The following SNTG2 variants were observed in gnomAD, a reference collection of about 807,000 sequenced individuals.
SNTG2 encodes the protein gamma-2-syntrophin.
SNTG2 carries 74 observed loss-of-function variants against 70.9 expected under a neutral mutation model. The ratio of observed to expected loss-of-function variants is 1.04; its 90% confidence interval spans 0.86 to 1.27. The LOEUF (loss-of-function observed/expected upper bound fraction) is 1.27, where lower values mean the gene tolerates loss of function less well. Among genes scored for constraint, SNTG2 ranks in the 50% most tolerant of loss-of-function variants. The pLI, the probability that SNTG2 is intolerant of heterozygous loss-of-function variation, is 0.00. For synonymous variants in SNTG2, 278 were observed against 273.8 expected, an observed-to-expected ratio of 1.02 and a Z score of -0.15; for missense variants, 717 against 690.7, an observed-to-expected ratio of 1.04 and a Z score of -0.43.
At chr2:1,000,503 CA>C (rs1661829982) in intron 1 of SNTG2, among the ~76,000 whole-genome samples, 1 of 151,734 alleles carries the variant, frequency 6.6e-6, no homozygotes, top group African/African-American at 2.4e-5. Flanking sequence ...TTTCTGTTCA[CA>C]CAGACTAGAA....
At chr2:993,740 G>A (rs1661581940) in intron 1 of SNTG2, among the ~76,000 whole-genome samples, 1 of 151,848 alleles carries the variant, frequency 6.6e-6, no homozygotes. Context: ...AGTGTGAGCT[G>A]GTGGCTTTGA....
At chr2:1,050,824 T>C (rs184725477) in intron 1 of SNTG2, among the ~76,000 whole-genome samples, 3 of 152,320 alleles carry the variant, frequency 2.0e-5, no homozygotes, top group Admixed American at 2.0e-4. Flanking sequence ...CTGTAATTCA[T>C]TTAGGTCTTC....
chr2:1,101,467 C>A, intron 4 of SNTG2, among the ~76,000 whole-genome samples: 1 of 152,282 alleles, frequency 6.6e-6, no homozygotes, highest in East Asian at 1.9e-4. Context: ...TTTTAGGGAT[C>A]AGAAGCTTGG....
intron 8 of SNTG2, 56 bp from the exon 9 acceptor site, chr2:1,209,047 C>A (rs768813804): frequency 1.3e-4 from 211 of 1,597,110 alleles, no homozygotes; most frequent in Middle Eastern, 2.0e-4. Context: ...GATGCCTCTC[C>A]CCGCATGCAG....
chr2:1,216,568 C>T (rs1246463021), intron 9 of SNTG2, among the ~76,000 whole-genome samples: 1 of 152,086 alleles, frequency 6.6e-6, no homozygotes, highest in Non-Finnish European at 1.5e-5. Context: ...AATTAGATCC[C>T]ATTAGTTTAA....
chr2:1,334,030 C>T (rs959285135), intron 16 of SNTG2, among the ~76,000 whole-genome samples: 26 of 152,144 alleles, frequency 1.7e-4, no homozygotes, highest in Admixed American at 5.2e-4. Context: ...ATAAAATCTT[C>T]GCAATCTATA....
At chr2:1,288,799 T>G (rs1352621042) in intron 14 of SNTG2, among the ~76,000 whole-genome samples, 2 of 152,114 alleles carry the variant, frequency 1.3e-5, no homozygotes, top group African/African-American at 4.8e-5. Flanking sequence ...CAGGCATGTA[T>G]TCACACATGC....
At chr2:1,250,815 A>T (rs1367283670) in intron 12 of SNTG2, among the ~76,000 whole-genome samples, 3 of 152,104 alleles carry the variant, frequency 2.0e-5, no homozygotes, top group Admixed American at 2.0e-4. Flanking sequence ...AGTCCCTCAG[A>T]GACAGTTTCA....
chr2:1,110,962 G>A (rs1666402261), intron 4 of SNTG2, among the ~76,000 whole-genome samples: 1 of 152,158 alleles, frequency 6.6e-6, no homozygotes, highest in South Asian at 2.1e-4. Flanking sequence ...GGTGGATGTG[G>A]AATTCAATTT....
intron 1 of SNTG2, among the ~76,000 whole-genome samples, chr2:990,251 A>C (rs1250391316): frequency 6.6e-6 from 1 of 152,210 alleles, no homozygotes; most frequent in Non-Finnish European, 1.5e-5. Context: ...GCCGCCTCAG[A>C]GAGGCCTTGC....
intron 1 of SNTG2, among the ~76,000 whole-genome samples, chr2:962,703 T>C (rs1191883540): frequency 1.3e-5 from 2 of 152,228 alleles, no homozygotes; most frequent in Non-Finnish European, 2.9e-5. Context: ...TATGTTTTAT[T>C]CAACCTCATG....
intron 1 of SNTG2, among the ~76,000 whole-genome samples, chr2:1,019,028 C>T (rs888600635): frequency 7.2e-5 from 11 of 152,204 alleles, no homozygotes; most frequent in Non-Finnish European, 1.3e-4. Flanking sequence ...GACAGCGCTG[C>T]ATGTTTTACT....
chr2:1,009,041 A>G lies in SNTG2; in HGVS notation c.72+57973A>G, dbSNP rs966338513. Among the ~76,000 whole-genome samples the G allele has an allele frequency of 9.6e-5, 12 of 124,864 alleles. No individual in the cohort carries two copies. The Admixed American group carries it at 9.9e-4, about 10-fold the overall frequency. 81.9% of individuals were successfully genotyped at this position (124,864 alleles called of 152,430 possible). ...AAATGCACCTTTTTTTAGAGCACCT[A>G]GGAAAATATTTTCTAGAGAAACTCC... On this transcript the variant is annotated intron_variant, in intron 1 of 16. Coordinates refer to ENST00000308624, the MANE Select transcript of SNTG2 (RefSeq NM_018968.4).
At chr2:1,152,441 T>C (rs1042564350) in intron 6 of SNTG2, among the ~76,000 whole-genome samples, 6 of 152,246 alleles carry the variant, frequency 3.9e-5, no homozygotes, top group Non-Finnish European at 8.8e-5. Context: ...CATATATGTG[T>C]GCACATCCAG....
chr2:1,153,898 G>A (rs2147815732), intron 6 of SNTG2, among the ~76,000 whole-genome samples: 1 of 152,310 alleles, frequency 6.6e-6, no homozygotes, highest in Middle Eastern at 3.4e-3. Flanking sequence ...CTAAAATAGG[G>A]ACTTAGCTGT....
intron 15 of SNTG2, among the ~76,000 whole-genome samples, chr2:1,316,015 C>T (rs570763969): frequency 2.0e-5 from 3 of 152,096 alleles, no homozygotes; most frequent in South Asian, 2.1e-4. Flanking sequence ...TGATGCATCC[C>T]CAAGACATGT....
chr2:1,177,756 A>C (rs1254077979), intron 8 of SNTG2, among the ~76,000 whole-genome samples: 3 of 152,160 alleles, frequency 2.0e-5, no homozygotes, highest in Non-Finnish European at 4.4e-5. Flanking sequence ...TTTGAAAAGG[A>C]AACTAAGCAT....
chr2:1,161,895 A>C (rs1426305098), intron 6 of SNTG2, among the ~76,000 whole-genome samples: 1 of 152,186 alleles, frequency 6.6e-6, no homozygotes, highest in South Asian at 2.1e-4. Flanking sequence ...TAACACGGTG[A>C]AACCCCGTCT....
At chr2:1,335,716 C>T (rs1189054394) in intron 16 of SNTG2, among the ~76,000 whole-genome samples, 2 of 151,766 alleles carry the variant, frequency 1.3e-5, no homozygotes, top group Non-Finnish European at 1.5e-5. Flanking sequence ...CGAGAAACCA[C>T]GTGAGGCACA....
Sources: allele counts gnomAD v4.1 joint callset (sites outside exome capture counted in the v4.1 genomes callset), GRCh38; gene constraint gnomAD v4.1.1; transcripts MANE v1.5; gene names NCBI Gene and HGNC (gene_info 2026-07-23, HGNC 2026-07-21).